TYW1B: variants seen among roughly 807,000 people sequenced by gnomAD.
TYW1B encodes tRNA-yW synthesizing protein 1 homolog B, also known as S-adenosyl-L-methionine-dependent tRNA 4-demethylwyosine synthase TYW1B.
TYW1B carries 73 observed loss-of-function variants against 86.9 expected under a neutral mutation model. The ratio of observed to expected loss-of-function variants is 0.84; its 90% CI spans 0.70 to 1.02. The LOEUF (loss-of-function observed/expected upper bound fraction) is 1.02, where lower values mean the gene tolerates loss of function less well. Ranked by LOEUF, TYW1B falls within the 50% of genes least tolerant of loss-of-function variation. The probability of loss-of-function intolerance (pLI) is 0.00; values close to 1 mark genes in which losing one functional copy is unlikely to be tolerated. For synonymous variants in TYW1B, 248 were observed against 292.8 expected, an observed-to-expected ratio of 0.85 and a Z score of 1.56; for missense variants, 637 against 827.4, an observed-to-expected ratio of 0.77 and a Z score of 2.82.
chr7:72,575,185 A>C lies in TYW1B; in HGVS notation c.*313T>G. ...ACACTCTCAGGACTAGCATTCTGGC[A>C]GGTCTTAGAAGTTATAATACAAAAC... On this transcript the variant is annotated 3_prime_UTR_variant, in exon 14 of 14. Transcript: ENST00000620995. The C allele has an allele frequency of 8.8e-7, 1 of 1,134,104 alleles. No homozygotes were observed. The highest frequency in any genetic ancestry group is 3.9e-4 in the Middle Eastern group (1 of 2,560). The allele number at this position is 1,134,104 out of a possible 1,614,324, so 70.3% of individuals were successfully genotyped here.
intron 7 of TYW1B, among the ~76,000 whole-genome samples, chr7:72,748,106 T>A (rs1282221497): frequency 6.6e-6 from 1 of 152,018 alleles, no homozygotes; most frequent in African/African-American, 2.4e-5. Flanking sequence ...CCGTCTCTAC[T>A]AAAAATACAA....
intron 10 of TYW1B, among the ~76,000 whole-genome samples, chr7:72,708,721 C>CT (rs1814671002): frequency 6.6e-6 from 1 of 152,120 alleles, no homozygotes; most frequent in Non-Finnish European, 1.5e-5. Context: ...TCTTAGAAAA[C>CT]TTTTTCTTTC....
At chr7:72,734,257 CAA>C (rs111714599) in intron 8 of TYW1B, among the ~76,000 whole-genome samples, 1 of 35,812 alleles carries the variant, frequency 2.8e-5, no homozygotes. Flanking sequence ...AACTCCATCT[CAA>C]AAAAAAAAAA....
intron 12 of TYW1B, among the ~76,000 whole-genome samples, chr7:72,618,635 C>G (rs1812139745): frequency 6.6e-6 from 1 of 152,124 alleles, no homozygotes; most frequent in Admixed American, 6.5e-5. Flanking sequence ...GACAGCTGTT[C>G]AAAAAGATGA....
intron 11 of TYW1B, among the ~76,000 whole-genome samples, chr7:72,688,506 C>T (rs1288205626): frequency 6.6e-6 from 1 of 152,192 alleles, no homozygotes; most frequent in Non-Finnish European, 1.5e-5. Context: ...TGGAAACTCA[C>T]TGTTTCCTTG....
chr7:72,714,786 G>A (rs559562342), intron 9 of TYW1B, among the ~76,000 whole-genome samples: 9 of 152,126 alleles, frequency 5.9e-5, no homozygotes, highest in Non-Finnish European at 1.3e-4. Flanking sequence ...GCGTAGTGGC[G>A]GATGCCAGTA....
At chr7:72,808,919 G>A (rs1298151017) in intron 4 of TYW1B, among the ~76,000 whole-genome samples, 1 of 151,802 alleles carries the variant, frequency 6.6e-6, no homozygotes, top group African/African-American at 2.4e-5. Flanking sequence ...CTAGGAAGAG[G>A]TACACAATGC....
At chr7:72,624,759 T>C (rs1812302189) in intron 12 of TYW1B, among the ~76,000 whole-genome samples, 2 of 152,234 alleles carry the variant, frequency 1.3e-5, no homozygotes, top group African/African-American at 2.4e-5. Flanking sequence ...TATTTTATCA[T>C]CAAAATATTT....
intron 11 of TYW1B, among the ~76,000 whole-genome samples, chr7:72,636,000 A>G (rs1213393828): frequency 2.0e-5 from 3 of 152,364 alleles, no homozygotes; most frequent in African/African-American, 7.2e-5. Context: ...GGTCACATGT[A>G]GCTAGTGGCT....
At position 72,717,677 on chromosome 7, in the gene TYW1B, A is replaced by T. The variant is rs1554456460; in HGVS notation, c.1193-3879T>A. Among the ~76,000 whole-genome samples, 3 of 143,400 alleles carry T rather than the reference A, an allele frequency of 2.1e-5. No individual in the cohort carries two copies. In the South Asian group the frequency reaches 6.7e-4, roughly 32 times the overall value. The allele number at this position is 143,400 out of a possible 152,430, so 94.1% of individuals were successfully genotyped here. ...CACACACACACACACACACACACACACTCTAATTCTCTCTCTCTCTTCCTC... is the reference window on the plus strand; with the variant it reads ...CACACACACACACACACACACACACTCTCTAATTCTCTCTCTCTCTTCCTC... On this transcript the variant is annotated intron_variant, in intron 9 of 13. Coordinates refer to ENST00000620995, the MANE Select transcript of TYW1B (RefSeq NM_001145440.3).
At chr7:72,718,030 C>T (rs1396243673) in intron 9 of TYW1B, among the ~76,000 whole-genome samples, 2 of 152,096 alleles carry the variant, frequency 1.3e-5, no homozygotes, top group Non-Finnish European at 2.9e-5. Flanking sequence ...GTATGTTCAT[C>T]GCAGCACTAT....
At chr7:72,777,849 A>G (rs1163906903) in intron 6 of TYW1B, among the ~76,000 whole-genome samples, 5 of 152,086 alleles carry the variant, frequency 3.3e-5, no homozygotes, top group Non-Finnish European at 5.9e-5. Context: ...CCGGAAGGCG[A>G]AAGTTGCAGT....
At chr7:72,808,532 T>TG (rs1190956669) in intron 4 of TYW1B, among the ~76,000 whole-genome samples, 1 of 150,040 alleles carries the variant, frequency 6.7e-6, no homozygotes, top group Non-Finnish European at 1.5e-5. Context: ...TATTTTACTT[T>TG]TTTTTTTTTT....
intron 11 of TYW1B, among the ~76,000 whole-genome samples, chr7:72,676,203 T>C (rs1554447376): frequency 6.6e-6 from 1 of 152,076 alleles, no homozygotes; most frequent in Non-Finnish European, 1.5e-5. Flanking sequence ...AAATATACCA[T>C]GAAGCCAAAC....
intron 2 of TYW1B, 139 bp from the exon 3 acceptor site, chr7:72,815,620 C>T (rs1271178911): frequency 2.9e-6 from 2 of 689,638 alleles, no homozygotes; most frequent in South Asian, 1.9e-5. Flanking sequence ...ATTCTATCCG[C>T]ACTCTTACCA....
intron 6 of TYW1B, among the ~76,000 whole-genome samples, chr7:72,795,551 T>C (rs3844317): frequency 6.6e-6 from 1 of 152,202 alleles, no homozygotes; most frequent in African/African-American, 2.4e-5. Context: ...GCTATACATC[T>C]TATCAGCAGG....
At chr7:72,745,726 G>A (rs1787381448) in intron 7 of TYW1B, among the ~76,000 whole-genome samples, 1 of 151,886 alleles carries the variant, frequency 6.6e-6, no homozygotes, top group Non-Finnish European at 1.5e-5. Flanking sequence ...CAAAACAGAG[G>A]AAGTCATCCA....
At position 72,609,412 on chromosome 7, in the gene TYW1B, A is replaced by T. The variant is rs1161530081; in HGVS notation, c.1785+7260T>A. On this transcript the variant is annotated intron_variant, in intron 13 of 13. Transcript: ENST00000620995. ...GATCTCAATAACAAATTTAAAAATT[A>T]GCTGGGCATGGTGGCTCATGCCTAT... Among the ~76,000 whole-genome samples, 8 of 151,940 alleles carry T rather than the reference A, an allele frequency of 5.3e-5. No homozygotes were observed. In the South Asian group the frequency reaches 1.5e-3, roughly 28 times the overall value.
intron 11 of TYW1B, among the ~76,000 whole-genome samples, chr7:72,667,040 A>AAAAAAAAAG (rs1813481105): frequency 6.7e-6 from 1 of 148,646 alleles, no homozygotes; most frequent in Admixed American, 6.7e-5. Context: ...TCAAAAAAAA[A>AAAAAAAAAG]AAAAAAAAAA....
Sources: allele counts gnomAD v4.1 joint callset (sites outside exome capture counted in the v4.1 genomes callset), GRCh38; gene constraint gnomAD v4.1.1; transcripts MANE v1.5; gene names NCBI Gene and HGNC (gene_info 2026-07-23, HGNC 2026-07-21).